The following HRH2 variants were observed in gnomAD, a reference collection of about 807,000 sequenced individuals.
The protein encoded by HRH2 is histamine receptor H2.
A neutral mutation model predicts 20.1 loss-of-function variants in HRH2; 4 were observed. That is an observed-to-expected ratio of 0.20 (90% CI 0.10 to 0.45). The LOEUF (loss-of-function observed/expected upper bound fraction) is 0.45. Among genes scored for constraint, HRH2 ranks in the 20% least tolerant of loss-of-function variants. HRH2 has a pLI of 0.99. For missense variants in HRH2, 250 were observed against 461.6 expected (o/e 0.54, Z 4.20); for synonymous variants, 197 against 200.7 (o/e 0.98, Z 0.16).
In HRH2 at chr5:175,693,842, A is replaced by G. The variant is rs17065320; in HGVS notation, c.1076+9533A>G. On this transcript the variant is annotated intron_variant, in intron 2 of 2. Coordinates refer to ENST00000636584, the MANE Select transcript of HRH2 (RefSeq NM_001367711.1). The surrounding 1 kb of genome is among the most constrained non-coding windows in gnomAD (Gnocchi z 4.4). ...TGGTGTTCGTTCCTGAACAGGCTGC[A>G]CATCTCTCCCTTTTGTGGCTGCTGA... Among the ~76,000 whole-genome samples the G allele has an allele frequency of 6.1e-3, 929 of 152,180 alleles. 3 individuals carry two copies. Among genetic ancestry groups the G allele is most frequent in the Middle Eastern group, 0.014 (4 of 294 alleles).
At chr5:175,684,421 C>G in intron 2 of HRH2, 112 bp downstream of exon 2, 1 of 1,452,460 alleles carries the variant, frequency 6.9e-7, no homozygotes, top group East Asian at 2.3e-5. Context: ...GTTCTAGGAA[C>G]TCTTCATGAG....
intron 2 of HRH2, among the ~76,000 whole-genome samples, chr5:175,688,850 C>T (rs966397788): frequency 3.3e-5 from 5 of 152,258 alleles, no homozygotes; most frequent in Non-Finnish European, 5.9e-5. Context: ...GGACCCCTGC[C>T]GAGGTCTCTT....
intron 2 of HRH2, among the ~76,000 whole-genome samples, chr5:175,696,842 G>A (rs1581458425): frequency 1.3e-5 from 2 of 152,212 alleles, no homozygotes; most frequent in Non-Finnish European, 2.9e-5. Context: ...CATGGGGTTG[G>A]GGTGAGAAGG....
At chr5:175,684,839 C>T (rs957269436) in intron 2 of HRH2, among the ~76,000 whole-genome samples, 14 of 152,028 alleles carry the variant, frequency 9.2e-5, no homozygotes, top group African/African-American at 3.1e-4. Context: ...GGAAAGAGGC[C>T]AGTGGAGTCA....
intron 2 of HRH2, chr5:175,685,436 G>A: frequency 6.4e-7 from 1 of 1,551,582 alleles, no homozygotes; most frequent in Non-Finnish European, 8.7e-7. Context: ...CAGAATGCTG[G>A]TCTGTGGAAC....
intron 2 of HRH2, among the ~76,000 whole-genome samples, chr5:175,696,515 AG>A (rs2113548200): frequency 6.6e-6 from 1 of 152,346 alleles, no homozygotes; most frequent in South Asian, 2.1e-4. Context: ...AGAGAAGAAC[AG>A]GATAAATATC....
At chr5:175,685,662 C>T (rs892879018) in intron 2 of HRH2, 5 of 634,452 alleles carry the variant, frequency 7.9e-6, no homozygotes, top group Middle Eastern at 2.5e-4. Flanking sequence ...CATCTCAGGC[C>T]TCAGTTTCCT....
chr5:175,705,841 T>C (rs780266781), intron 2 of HRH2, among the ~76,000 whole-genome samples: 2 of 152,116 alleles, frequency 1.3e-5, no homozygotes, highest in Non-Finnish European at 2.9e-5. Flanking sequence ...TTTTGTATTT[T>C]TTTTGTAAAG....
Position 175,686,639 on chromosome 5 carries a change from C to T in HRH2, c.1076+2330C>T, listed in dbSNP as rs567179230. 6.6e-5 allele frequency among the ~76,000 whole-genome samples: 10 copies of T among 152,332 alleles called. No individual in the cohort carries two copies. Among genetic ancestry groups the T allele is most frequent in the Middle Eastern group, 3.4e-3 (1 of 294 alleles). ...CCCAGATGGGGCTGGCGCATGGGCC[C>T]GGGAGCCCATCCCGGAGAGGAGACC... On this transcript the variant is annotated intron_variant, in intron 2 of 2. Transcript: ENST00000636584. The surrounding 1 kb of genome is among the most constrained non-coding windows in gnomAD (Gnocchi z 4.7).
At chr5:175,662,818 C>G (rs1762777243) in intron 1 of HRH2, among the ~76,000 whole-genome samples, 1 of 152,222 alleles carries the variant, frequency 6.6e-6, no homozygotes, top group Admixed American at 6.5e-5. Context: ...CATTAGCACT[C>G]ACCCTCTATC....
chr5:175,664,415 G>C (rs1231296853), intron 1 of HRH2, among the ~76,000 whole-genome samples: 2 of 152,118 alleles, frequency 1.3e-5, no homozygotes, highest in African/African-American at 4.8e-5. Flanking sequence ...CAGGTGCATG[G>C]GAATGCAGCA....
At chr5:175,671,311 TA>T in intron 1 of HRH2, among the ~76,000 whole-genome samples, 1 of 152,248 alleles carries the variant, frequency 6.6e-6, no homozygotes, top group Non-Finnish European at 1.5e-5. Context: ...TGGCAAGTGT[TA>T]TCTGTTTGCT....
At chr5:175,684,779 A>G (rs187036735) in intron 2 of HRH2, among the ~76,000 whole-genome samples, 12 of 152,044 alleles carry the variant, frequency 7.9e-5, no homozygotes, top group African/African-American at 2.4e-4. Context: ...GCATTTATTG[A>G]GCACCTGCTA....
chr5:175,696,155 T>C (rs74967173), intron 2 of HRH2, among the ~76,000 whole-genome samples: 1,604 of 152,374 alleles, frequency 0.011, 34 homozygotes, highest in African/African-American at 0.035. Flanking sequence ...ACCGTTGGCA[T>C]GAGTGGGCAG....
intron 1 of HRH2, among the ~76,000 whole-genome samples, chr5:175,673,231 ATG>A (rs1389341620): frequency 6.6e-6 from 1 of 151,720 alleles, no homozygotes; most frequent in Non-Finnish European, 1.5e-5. Flanking sequence ...AGGAGAGTAG[ATG>A]TGTGTGTGTG....
At chr5:175,704,259 T>C (rs1756873454) in intron 2 of HRH2, among the ~76,000 whole-genome samples, 1 of 152,140 alleles carries the variant, frequency 6.6e-6, no homozygotes, top group Non-Finnish European at 1.5e-5. Flanking sequence ...AATCATGCAA[T>C]ATTTTAAAAG....
At chr5:175,694,503 G>A (rs1756502411) in intron 2 of HRH2, among the ~76,000 whole-genome samples, 1 of 152,110 alleles carries the variant, frequency 6.6e-6, no homozygotes, top group South Asian at 2.1e-4. Context: ...CCCCCTGCAG[G>A]CCTTGACCTC....
chr5:175,664,735 A>G (rs1282735591), intron 1 of HRH2, among the ~76,000 whole-genome samples: 1 of 152,134 alleles, frequency 6.6e-6, no homozygotes, highest in Non-Finnish European at 1.5e-5. Context: ...GCTGGGCTCA[A>G]GCAGTCCTCC....
chr5:175,668,742 C>T (rs1394064897), intron 1 of HRH2, among the ~76,000 whole-genome samples: 2 of 152,056 alleles, frequency 1.3e-5, no homozygotes, highest in Non-Finnish European at 2.9e-5. Flanking sequence ...CAGGAACAAT[C>T]GCGTGCTCCC....
Sources: allele counts gnomAD v4.1 joint callset (sites outside exome capture counted in the v4.1 genomes callset), GRCh38; gene constraint gnomAD v4.1.1; non-coding constraint Gnocchi (gnomAD v3.1); transcripts MANE v1.5; gene names NCBI Gene and HGNC (gene_info 2026-07-23, HGNC 2026-07-21).